Variants in CCDC183 observed in about 807,000 individuals in gnomAD.
CCDC183 encodes the protein coiled-coil domain-containing protein 183.
A neutral mutation model predicts 65.2 loss-of-function variants in CCDC183; 63 were observed. The observed-to-expected ratio is 0.97, with a 90% CI of 0.79 to 1.19. CCDC183 has a LOEUF of 1.19. Among genes scored for constraint, CCDC183 ranks in the 50% most tolerant of loss-of-function variants. The pLI is 0.00. For synonymous variants in CCDC183, 323 were observed against 276.5 expected, an observed-to-expected ratio of 1.17 and a Z score of -1.67; for missense variants, 769 against 689.3, an observed-to-expected ratio of 1.12 and a Z score of -1.30.
chr9:136,805,655 A>G, intron 9 of CCDC183, 198 bp downstream of exon 9: 1 of 578,174 alleles, frequency 1.7e-6, no homozygotes, highest in Non-Finnish European at 3.1e-6. Flanking sequence ...CCATCTGTGT[A>G]TCTGCGTTTA....
intron 5 of CCDC183, among the ~76,000 whole-genome samples, chr9:136,801,050 T>C (rs1447002359): frequency 1.3e-5 from 2 of 152,118 alleles, no homozygotes; most frequent in African/African-American, 4.8e-5. Flanking sequence ...GAGCAACCTG[T>C]GGATGGGGCG....
chr9:136,805,504 C>T (rs1166500777), intron 9 of CCDC183, 47 bp downstream of exon 9: 13 of 1,554,168 alleles, frequency 8.4e-6, no homozygotes, highest in Non-Finnish European at 1.1e-5. Context: ...GTGGCTGAGC[C>T]TCTCACGTCT....
intron 8 of CCDC183, 182 bp from the exon 9 acceptor site, chr9:136,805,175 C>A (rs966773413): frequency 1.7e-6 from 1 of 603,996 alleles, no homozygotes; most frequent in Admixed American, 2.9e-5. Context: ...CTGCCTGGGG[C>A]GTCCCTGCAG....
chr9:136,807,543 C>T lies in CCDC183; in HGVS notation c.1487-29C>T. The stretch of plus-strand genomic sequence containing the variant: ...CGGCTGCGCCTAGCTGGGCTAGCCC[C>T]GTGTGCGAGCCGCCGCCTCCGCCCG... On this transcript the variant is annotated intron_variant, in intron 13 of 13. Coordinates refer to ENST00000338005, the MANE Select transcript of CCDC183 (RefSeq NM_001039374.5). The T allele has an allele frequency of 3.8e-6, 6 of 1,569,128 alleles. No individual in the cohort carries two copies. The South Asian group carries it at 5.8e-5, about 15-fold the overall frequency.
intron 2 of CCDC183, 111 bp from the exon 3 acceptor site, chr9:136,799,602 C>T (rs924492764): frequency 4.6e-5 from 43 of 929,072 alleles, no homozygotes; most frequent in Non-Finnish European, 6.8e-5. Context: ...GCAGGGATCT[C>T]GCTACTGGGC....
rs1488556672 is a variant in CCDC183 at position 136,807,702 on chromosome 9, C to T, written c.*12C>T. ...AAAAGAAGAAGTAGCCCCGCCGCCCCGCTCCCTGCTTTGCTACACAAATAA... is the reference window on the plus strand; with the variant it reads ...AAAAGAAGAAGTAGCCCCGCCGCCCTGCTCCCTGCTTTGCTACACAAATAA... On this transcript the variant is annotated 3_prime_UTR_variant, in exon 14 of 14. Coordinates refer to ENST00000338005, the MANE Select transcript of CCDC183 (RefSeq NM_001039374.5). 2.5e-6 allele frequency: 4 copies of T among 1,589,790 alleles called. No individual in the cohort carries two copies. Among genetic ancestry groups the T allele is most frequent in the Middle Eastern group, 1.7e-4 (1 of 5,988 alleles).
chr9:136,804,175 T>G lies in CCDC183; in HGVS notation c.667-327T>G. On this transcript the variant is annotated intron_variant, in intron 6 of 13. Transcript: ENST00000338005. This position sits in a 1 kb window ranked among gnomAD's most constrained non-coding sequence, Gnocchi z 4.1. ...AAGGGCACGCTGGAAGAGGCCAGGTTTTGGGGAAGAGGATGAATCTGTCTT... is the reference window on the plus strand; with the variant it reads ...AAGGGCACGCTGGAAGAGGCCAGGTGTTGGGGAAGAGGATGAATCTGTCTT... The G allele has an allele frequency of 7.0e-6, 2 of 286,844 alleles. No individual in the cohort carries two copies. The highest frequency in any genetic ancestry group is 7.9e-5 in the East Asian group (1 of 12,594). 17.8% of individuals were successfully genotyped at this position (286,844 alleles called of 1,614,324 possible). A position where few individuals can be genotyped will look rare whatever the true frequency, so the allele number is the denominator to read the frequency against.
chr9:136,805,975 T>C, intron 9 of CCDC183, 103 bp from the exon 10 acceptor site: 1 of 885,274 alleles, frequency 1.1e-6, no homozygotes, highest in Non-Finnish European at 1.7e-6. Context: ...ACAGAGAAAG[T>C]GCACTAGCGT....
chr9:136,803,045 C>T (rs1482302780), intron 6 of CCDC183, among the ~76,000 whole-genome samples: 4 of 19,054 alleles, frequency 2.1e-4, no homozygotes, highest in Non-Finnish European at 3.9e-4. Flanking sequence ...CTTGGATCTT[C>T]GGATGGGGTC....
intron 6 of CCDC183, among the ~76,000 whole-genome samples, chr9:136,803,214 TG>T (rs11334960): frequency 0.026 from 196 of 7,474 alleles, 28 homozygotes; most frequent in Non-Finnish European, 0.034. Context: ...GGCCCAGGGC[TG>T]GGGGCCCCCC....
intron 5 of CCDC183, 151 bp downstream of exon 5, chr9:136,800,644 G>A: frequency 1.6e-6 from 1 of 612,350 alleles, no homozygotes. Context: ...TGTGGAAAAC[G>A]TTTTTTTAAA....
rs996700238 is a variant in CCDC183, at chr9:136,806,257, G to A, written c.1109+19G>A. On this transcript the variant is annotated intron_variant, in intron 10 of 13. Transcript: ENST00000338005. ...CCATCAGGTGCCCCGGGCTTCCGGG[G>A]CTGCGGGCCACCCACCCCAGTCTCA... 3 of 1,580,206 alleles carry A rather than the reference G, an allele frequency of 1.9e-6. No homozygotes were observed. Among genetic ancestry groups the A allele is most frequent in the Non-Finnish European group, 2.6e-6 (3 of 1,163,036 alleles).
rs760414628 is a variant in CCDC183, at chr9:136,806,784, G to T, written c.1306G>T (p.Asp436Tyr). Reference protein sequence around the residue: ...QREVVLSNTLDLNSKLAYCEG... With the variant: ...QREVVLSNTLYLNSKLAYCEG... Reference sequence around the variant, plus strand: ...AGAAGTGGTGCTCTCCAACACCCTCGATTTGAACAGCAAGCTGGCGTACTG... The same window carrying T: ...AGAAGTGGTGCTCTCCAACACCCTCTATTTGAACAGCAAGCTGGCGTACTG... The change falls in exon 12 of 14, where the codon GAT becomes TAT. Residue 436 changes from aspartate to tyrosine, a missense_variant. Physicochemically the swap from Asp to Tyr is radical, Grantham distance 160 (BLOSUM62 -3). Transcript: ENST00000338005. The T allele has an allele frequency of 2.6e-5, 42 of 1,613,626 alleles. No individual in the cohort carries two copies. In the South Asian group the frequency reaches 4.0e-4, roughly 15 times the overall value.
At position 136,800,409 on chromosome 9, in the gene CCDC183, C is replaced by A; in HGVS notation, c.459C>A (p.Asn153Lys). 1 of 1,611,834 alleles carries A rather than the reference C, an allele frequency of 6.2e-7. No homozygotes were observed. Among genetic ancestry groups the A allele is most frequent in the Non-Finnish European group, 8.5e-7 (1 of 1,179,092 alleles). ...CCCAGATCATCCGCCAGCTGGAGAA[C>A]AACATCGAGAAGACAATGATCAAGA... ...RLLQIIRQLE[N>K]NIEKTMIKII... The change falls in exon 5 of 14, where the codon AAC (asparagine) becomes AAA (lysine). Residue 153 changes from asparagine to lysine, a missense_variant. Transcript: ENST00000338005.
At chr9:136,802,327 C>T (rs1847748573) in intron 5 of CCDC183, among the ~76,000 whole-genome samples, 2 of 152,196 alleles carry the variant, frequency 1.3e-5, no homozygotes, top group Non-Finnish European at 2.9e-5. Flanking sequence ...TGACCCCAAG[C>T]CCATGTCTTG....
chr9:136,802,532 G>A (rs2131132348), intron 5 of CCDC183, 132 bp from the exon 6 acceptor site: 1 of 1,277,998 alleles, frequency 7.8e-7, no homozygotes. Flanking sequence ...TGCCCAGCGG[G>A]GAGTGGGGGA....
intron 2 of CCDC183, 111 bp from the exon 3 acceptor site, chr9:136,799,602 C>A: frequency 2.2e-6 from 2 of 929,190 alleles, no homozygotes; most frequent in Non-Finnish European, 3.3e-6. Flanking sequence ...GCAGGGATCT[C>A]GCTACTGGGC....
chr9:136,798,888 C>T (rs986090409), intron 1 of CCDC183, among the ~76,000 whole-genome samples: 10 of 152,234 alleles, frequency 6.6e-5, no homozygotes, highest in Non-Finnish European at 1.3e-4. Context: ...TCCACCTCCC[C>T]GCACCTGTCC....
chr9:136,797,028 C>G (rs892057999), intron 1 of CCDC183, among the ~76,000 whole-genome samples: 1 of 152,144 alleles, frequency 6.6e-6, no homozygotes, highest in Non-Finnish European at 1.5e-5. Context: ...GTCTCCTGCT[C>G]GTCCCTGGGA....
Sources: allele counts gnomAD v4.1 joint callset (sites outside exome capture counted in the v4.1 genomes callset), GRCh38; gene constraint gnomAD v4.1.1; non-coding constraint Gnocchi (gnomAD v3.1); transcripts MANE v1.5; gene names NCBI Gene and HGNC (gene_info 2026-07-23, HGNC 2026-07-21).